GSE1: variants seen among roughly 807,000 people sequenced by gnomAD.
GSE1 encodes the protein genetic suppressor element 1.
GSE1 carries 32 observed loss-of-function variants against 112.6 expected under a neutral mutation model. That is an observed-to-expected ratio of 0.28 (90% CI 0.21 to 0.38). The LOEUF is 0.38. GSE1 is among the 10% of genes least tolerant of loss of function. The probability of loss-of-function intolerance (pLI) is 1.00; values close to 1 mark genes in which losing one functional copy is unlikely to be tolerated. For missense variants in GSE1, 2,348 were observed against 1,699.2 expected (o/e 1.38, Z -6.71); for synonymous variants, 1,115 against 735.6 (o/e 1.52, Z -8.35).
At chr16:85,620,974 A>G (rs1444577068) in intron 1 of GSE1, among the ~76,000 whole-genome samples, 1 of 142,366 alleles carries the variant, frequency 7.0e-6, no homozygotes, top group African/African-American at 2.7e-5. Flanking sequence ...ACCCGTGTAG[A>G]TGGTCTCGGC....
chr16:85,620,914 G>A (rs1345208234), intron 1 of GSE1, among the ~76,000 whole-genome samples: 1 of 152,062 alleles, frequency 6.6e-6, no homozygotes, highest in African/African-American at 2.4e-5. Context: ...CTGCTCTGTT[G>A]GGGAAGCCGT....
intron 2 of GSE1, among the ~76,000 whole-genome samples, chr16:85,363,133 G>A (rs113398324): frequency 7.0e-4 from 107 of 152,282 alleles, no homozygotes; most frequent in African/African-American, 2.3e-3. Context: ...CACCGCACCC[G>A]CTGGATATCA....
intron 14 of GSE1, 180 bp from the exon 15 acceptor site, chr16:85,670,815 T>G: frequency 2.1e-6 from 1 of 486,782 alleles, no homozygotes; most frequent in Non-Finnish European, 3.7e-6. Context: ...TAGTGACGTT[T>G]ATGTATTTAT....
At chr16:85,285,840 C>T (rs1413651524) in intron 1 of GSE1, 1 of 152,276 alleles carries the variant, frequency 6.6e-6, no homozygotes, top group Non-Finnish European at 1.5e-5. Flanking sequence ...CACCTTCCGC[C>T]TCCCAGAGCT....
intron 1 of GSE1, among the ~76,000 whole-genome samples, chr16:85,625,467 G>T (rs569022095): frequency 1.3e-5 from 2 of 152,300 alleles, no homozygotes; most frequent in Non-Finnish European, 2.9e-5. Flanking sequence ...ACTGTAGTGT[G>T]GCGTCCAACC....
At chr16:85,196,261 T>A (rs1231148553) in intron 1 of GSE1, among the ~76,000 whole-genome samples, 1 of 152,148 alleles carries the variant, frequency 6.6e-6, no homozygotes, top group Non-Finnish European at 1.5e-5. Context: ...GTGCATGGGA[T>A]AATCTCAGTT....
chr16:85,649,903 G>A (rs971092883), intron 3 of GSE1, among the ~76,000 whole-genome samples: 1 of 152,142 alleles, frequency 6.6e-6, no homozygotes, highest in Non-Finnish European at 1.5e-5. Flanking sequence ...TGGGAAGGGA[G>A]CCAGCCTCAG....
intron 1 of GSE1, among the ~76,000 whole-genome samples, chr16:85,309,502 T>TAATA (rs74276410): frequency 0.34 from 51,007 of 150,650 alleles, 9,352 homozygotes; most frequent in Admixed American, 0.46. Context: ...TCTAAAACAA[T>TAATA]AATAAATAAA....
chr16:85,451,149 G>A (rs1245469052), intron 2 of GSE1, among the ~76,000 whole-genome samples: 5 of 149,324 alleles, frequency 3.3e-5, no homozygotes, highest in Non-Finnish European at 7.4e-5. Context: ...AGTCTTTTTA[G>A]AGCGTACCAG....
chr16:85,283,723 G>A (rs1018672939), intron 1 of GSE1, among the ~76,000 whole-genome samples: 14 of 152,214 alleles, frequency 9.2e-5, no homozygotes, highest in African/African-American at 2.9e-4. Context: ...TGATTCTGCT[G>A]GGCCTGTTCT....
chr16:85,665,918 G>C, intron 12 of GSE1, 58 bp from the exon 13 acceptor site: 1 of 1,542,610 alleles, frequency 6.5e-7, no homozygotes, highest in Non-Finnish European at 9.0e-7. Flanking sequence ...CTGCGTGCTG[G>C]ACACTCAGCC....
intron 1 of GSE1, among the ~76,000 whole-genome samples, chr16:85,321,309 C>T (rs2046102697): frequency 6.6e-6 from 1 of 152,140 alleles, no homozygotes; most frequent in African/African-American, 2.4e-5. Flanking sequence ...TCAGAAGCTG[C>T]AGCACAAGGA....
At chr16:85,511,425 G>A (rs2051742037) in intron 2 of GSE1, among the ~76,000 whole-genome samples, 9 of 152,104 alleles carry the variant, frequency 5.9e-5, no homozygotes, top group Admixed American at 5.9e-4. Context: ...CTACTCGGGA[G>A]GCTGAGGCAG....
chr16:85,259,902 G>A (rs1275927889), intron 1 of GSE1, among the ~76,000 whole-genome samples: 2 of 152,222 alleles, frequency 1.3e-5, no homozygotes, highest in African/African-American at 2.4e-5. Context: ...ACCTACCCCA[G>A]CCCAGCTGCA....
In GSE1 at chr16:85,648,683, A is replaced by ACC; in HGVS notation, c.365_366dup (p.Val123ProfsTer3). ...CCCTGGGGGCCACAGCGTGCCCAGC[A>ACC]CCCCCCCCGTGGTGACCATCGCTCC... is the stretch of plus-strand genomic sequence containing the variant. On this transcript the variant is annotated frameshift_variant, in exon 3 of 16. Transcript: ENST00000253458. LOFTEE classifies it high-confidence loss of function. 6.3e-7 allele frequency: 1 copy of ACC among 1,585,602 alleles called. No individual in the cohort carries two copies. Among genetic ancestry groups the ACC allele is most frequent in the Admixed American group, 1.7e-5 (1 of 58,330 alleles).
At chr16:85,222,325 G>T (rs186832336) in intron 1 of GSE1, among the ~76,000 whole-genome samples, 5 of 152,360 alleles carry the variant, frequency 3.3e-5, no homozygotes, top group Admixed American at 3.3e-4. Flanking sequence ...CGGCTCTCCA[G>T]CCCAGGCAGG....
At chr16:85,496,388 C>T (rs759562211) in intron 2 of GSE1, among the ~76,000 whole-genome samples, 11 of 152,254 alleles carry the variant, frequency 7.2e-5, no homozygotes, top group Non-Finnish European at 1.2e-4. Flanking sequence ...GTGTTGAAAA[C>T]GAGATTCACA....
intron 2 of GSE1, among the ~76,000 whole-genome samples, chr16:85,408,031 G>A (rs1167212266): frequency 2.3e-5 from 1 of 43,154 alleles, no homozygotes; most frequent in Non-Finnish European, 4.2e-5. Context: ...TACACTCAGG[G>A]CCCCCCTGGA....
chr16:85,413,917 C>T (rs954193854), intron 2 of GSE1, among the ~76,000 whole-genome samples: 2 of 152,166 alleles, frequency 1.3e-5, no homozygotes, highest in African/African-American at 4.8e-5. Context: ...TTATAACAGG[C>T]CCTTCCCCCT....
Sources: gnomAD v4.1 joint callset for allele counts (sites outside exome capture counted in the v4.1 genomes callset) on GRCh38, gnomAD v4.1.1 for gene constraint, MANE v1.5 for transcripts, NCBI Gene and HGNC (gene_info 2026-07-23, HGNC 2026-07-21) for gene names.